ERCC6: variants seen among roughly 807,000 people sequenced by gnomAD.
ERCC6 encodes the protein DNA excision repair protein ERCC-6.
Under a neutral mutation model 158.7 loss-of-function variants are expected in ERCC6, and 116 were observed. That is an observed-to-expected ratio of 0.73 (90% CI 0.63 to 0.85). The LOEUF (loss-of-function observed/expected upper bound fraction) is 0.85. Among genes scored for constraint, ERCC6 ranks in the 40% least tolerant of loss-of-function variants. The pLI is 0.00. For synonymous variants in ERCC6, 678 were observed against 659.3 expected, an observed-to-expected ratio of 1.03 and a Z score of -0.43; for missense variants, 1,698 against 1,799.4, an observed-to-expected ratio of 0.94 and a Z score of 1.02.
intron 5 of ERCC6, among the ~76,000 whole-genome samples, chr10:49,510,679 T>A (rs930974113): frequency 6.6e-6 from 1 of 152,208 alleles, no homozygotes; most frequent in African/African-American, 2.4e-5. Flanking sequence ...CACTAGAGAC[T>A]GGTATAATGC....
intron 5 of ERCC6, among the ~76,000 whole-genome samples, chr10:49,514,121 A>G (rs574053311): frequency 6.6e-6 from 1 of 152,292 alleles, no homozygotes; most frequent in East Asian, 1.9e-4. Flanking sequence ...ACTTCAATCC[A>G]AATGTTGTCT....
chr10:49,487,598 C>T (rs540328862), intron 8 of ERCC6, among the ~76,000 whole-genome samples: 19 of 152,284 alleles, frequency 1.2e-4, no homozygotes, highest in African/African-American at 4.8e-5. Flanking sequence ...GTCAGACCTG[C>T]GACCTTTAGA....
At chr10:49,446,057 T>C in the ERCC6 span, among the ~76,000 whole-genome samples, 2,217 of 152,292 alleles carry the variant, frequency 0.015, 46 homozygotes, top group African/African-American at 0.049. Flanking sequence ...CACATGAGTT[T>C]GAAGTCCAAA....
At chr10:49,449,805 C>G (rs1850401615), downstream of ERCC6, among the ~76,000 whole-genome samples, 1 of 152,074 alleles carries the variant, frequency 6.6e-6, no homozygotes, top group Non-Finnish European at 1.5e-5. Flanking sequence ...CCACCTCAGC[C>G]TCCCAAAGTG....
chr10:49,473,149 A>G lies in ERCC6; in HGVS notation c.2710-121T>C, dbSNP rs1433642616. 9 of 1,348,060 alleles carry G rather than the reference A, an allele frequency of 6.7e-6. No homozygotes were observed. In the East Asian group the frequency reaches 2.1e-4, roughly 32 times the overall value. The allele number at this position is 1,348,060 out of a possible 1,614,324, so 83.5% of individuals were successfully genotyped here. ...GCTGTTCCCAATATAAGGAATGGTA[A>G]TGTCCTAGAGACCTCTGGTGAATCA... On this transcript the variant is annotated intron_variant, in intron 14 of 20. Transcript: ENST00000355832.
chr10:49,494,224 T>C (rs548749912), intron 7 of ERCC6, among the ~76,000 whole-genome samples: 2 of 152,304 alleles, frequency 1.3e-5, no homozygotes, highest in African/African-American at 4.8e-5. Flanking sequence ...TCTGGGAACG[T>C]CAGTTTTTCA....
At chr10:49,463,210 C>G (rs1489862632) in intron 18 of ERCC6, among the ~76,000 whole-genome samples, 1 of 152,218 alleles carries the variant, frequency 6.6e-6, no homozygotes, top group Non-Finnish European at 1.5e-5. Context: ...ACACCTTACA[C>G]ACATAGCCTG....
At chr10:49,500,757 T>A (rs1013866689) in intron 6 of ERCC6, 61 bp from the exon 7 acceptor site, 9 of 1,557,924 alleles carry the variant, frequency 5.8e-6, no homozygotes, top group Non-Finnish European at 7.0e-6. Flanking sequence ...ATACAGATCA[T>A]AACAGAAAGT....
chr10:49,499,318 A>T (rs1447168288), intron 7 of ERCC6, among the ~76,000 whole-genome samples: 1 of 152,200 alleles, frequency 6.6e-6, no homozygotes. Context: ...AACACTCCTC[A>T]CAGAAGTATT....
intron 18 of ERCC6, among the ~76,000 whole-genome samples, chr10:49,462,237 C>T (rs564081776): frequency 1.3e-5 from 2 of 152,250 alleles, no homozygotes; most frequent in East Asian, 1.9e-4. Context: ...AAATGTACTA[C>T]ATGATAAAGG....
Position 49,516,909 on chromosome 10 carries a change from G to C in ERCC6, c.1397+7124C>G, listed in dbSNP as rs1284682113. On this transcript the variant is annotated intron_variant, in intron 5 of 20. Transcript: ENST00000355832. ...ATCATCTGAGTCAGACTCAGCATCA[G>C]AGCCATCTTGAATAAGATACGCAGC... The C allele has an allele frequency of 3.7e-6, 6 of 1,613,976 alleles. No individual in the cohort carries two copies. The Admixed American group carries it at 1.0e-4, about 27-fold the overall frequency.
the ERCC6 span, among the ~76,000 whole-genome samples, chr10:49,440,927 AT>A: frequency 1.3e-5 from 2 of 152,188 alleles, no homozygotes; most frequent in African/African-American, 4.8e-5. Context: ...AATGGGTGGA[AT>A]GGGAGGTGGT....
rs373922933 is a variant in ERCC6 at position 49,534,121 on chromosome 10, G to A, written c.-14-1143C>T. On this transcript the variant is annotated intron_variant, in intron 1 of 20. Transcript: ENST00000355832. ...TGCATTCCAGCATAGGCAACAGAGT[G>A]AGACTCAATCTCAAAAAAAAAAAAA... Among the ~76,000 whole-genome samples the A allele has an allele frequency of 3.1e-4, 33 of 106,708 alleles. No homozygotes were observed. In the East Asian group the frequency reaches 9.3e-3, roughly 30 times the overall value. 70.0% of individuals were successfully genotyped at this position (106,708 alleles called of 152,430 possible). A position where few individuals can be genotyped will look rare whatever the true frequency, so the allele number is the denominator to read the frequency against.
the ERCC6 span, among the ~76,000 whole-genome samples, chr10:49,438,515 G>A: frequency 6.6e-6 from 1 of 152,120 alleles, no homozygotes; most frequent in Non-Finnish European, 1.5e-5. Context: ...ACAGCACATG[G>A]GAATTCTGGG....
chr10:49,538,237 C>T (rs916849670), intron 1 of ERCC6, among the ~76,000 whole-genome samples: 1 of 152,118 alleles, frequency 6.6e-6, no homozygotes, highest in Non-Finnish European at 1.5e-5. Context: ...GAGGGTTGGT[C>T]GGACACAGGC....
At chr10:49,517,453 G>A (rs1015218388) in intron 5 of ERCC6, among the ~76,000 whole-genome samples, 5 of 152,142 alleles carry the variant, frequency 3.3e-5, no homozygotes, top group Admixed American at 2.0e-4. Flanking sequence ...ACCCTCAGGA[G>A]GCAGACATGT....
chr10:49,515,096 T>G, intron 5 of ERCC6: 1 of 907,074 alleles, frequency 1.1e-6, no homozygotes, highest in African/African-American at 1.7e-5. Flanking sequence ...CAATGTGCTC[T>G]CTAAGAAAAC....
Position 49,472,456 on chromosome 10 carries a change from T to G in ERCC6, c.2844A>C (p.Ala948=), listed in dbSNP as rs1414536968. 6.2e-7 allele frequency: 1 copy of G among 1,614,118 alleles called. No individual in the cohort carries two copies. Among genetic ancestry groups the G allele is most frequent in the Admixed American group, 1.7e-5 (1 of 60,032 alleles). ...CTTGCTTCTTCTGGCCTATTCTCCATGCTCGCTCCCGGGCCTGCAACAGAG... is the reference window on the plus strand; with the variant it reads ...CTTGCTTCTTCTGGCCTATTCTCCAGGCTCGCTCCCGGGCCTGCAACAGAG... ...PSTDTQARER[A]WRIGQKKQVT... is the part of the protein sequence containing the mutation. Residue 948 remains alanine (A), a synonymous_variant, in exon 16 of 21, where the codon GCA becomes GCC. Transcript: ENST00000355832.
At chr10:49,501,831 G>A (rs904207818) in intron 6 of ERCC6, 7 of 151,940 alleles carry the variant, frequency 4.6e-5, no homozygotes, top group African/African-American at 1.5e-4. Context: ...GTGGTGGCAC[G>A]TGCCTGTAGT....
Sources: gnomAD v4.1 joint callset for allele counts (sites outside exome capture counted in the v4.1 genomes callset) on GRCh38, gnomAD v4.1.1 for gene constraint, MANE v1.5 for transcripts, NCBI Gene and HGNC (gene_info 2026-07-23, HGNC 2026-07-21) for gene names.